Variants in TSPAN5 observed in about 807,000 individuals in gnomAD.
TSPAN5 encodes the protein tetraspanin 5, also known as tetraspanin-5.
Under a neutral mutation model 37.1 loss-of-function variants are expected in TSPAN5, and 10 were observed. That is an observed-to-expected ratio of 0.27 (90% CI 0.17 to 0.46). The LOEUF (loss-of-function observed/expected upper bound fraction) is 0.46. TSPAN5 is among the 20% of genes least tolerant of loss of function. TSPAN5 has a pLI of 1.00. For missense variants in TSPAN5, 195 were observed against 326.6 expected (o/e 0.60, Z 3.11); for synonymous variants, 110 against 118.9 (o/e 0.93, Z 0.48).
intron 1 of TSPAN5, among the ~76,000 whole-genome samples, chr4:98,513,786 T>C (rs1330480896): frequency 6.6e-6 from 1 of 152,154 alleles, no homozygotes; most frequent in Admixed American, 6.6e-5. Context: ...TCGGTTTGTA[T>C]ACTTTTAAAA....
chr4:98,546,817 A>G (rs1467375830), intron 1 of TSPAN5, among the ~76,000 whole-genome samples: 1 of 152,226 alleles, frequency 6.6e-6, no homozygotes, highest in Admixed American at 6.5e-5. Flanking sequence ...ATTCCCTAAG[A>G]GGGCTTTTTT....
intron 1 of TSPAN5, among the ~76,000 whole-genome samples, chr4:98,607,803 C>A (rs1006718435): frequency 6.6e-6 from 1 of 151,932 alleles, no homozygotes; most frequent in African/African-American, 2.4e-5. Context: ...CTCCGCCTCC[C>A]AGGTTCAAGC....
At chr4:98,518,831 C>T (rs758082691) in intron 1 of TSPAN5, among the ~76,000 whole-genome samples, 1 of 152,174 alleles carries the variant, frequency 6.6e-6, no homozygotes, top group Non-Finnish European at 1.5e-5. Flanking sequence ...ACAAGCCCTG[C>T]AGGTAATTGT....
At chr4:98,543,582 A>T (rs1578980664) in intron 1 of TSPAN5, among the ~76,000 whole-genome samples, 1 of 150,452 alleles carries the variant, frequency 6.6e-6, no homozygotes, top group East Asian at 2.0e-4. Context: ...CGCCAGGCTA[A>T]TTTTTTTTTG....
chr4:98,537,905 G>C (rs1261499654), intron 1 of TSPAN5, among the ~76,000 whole-genome samples: 7 of 152,248 alleles, frequency 4.6e-5, no homozygotes, highest in Non-Finnish European at 1.0e-4. Flanking sequence ...ATGGTAGGTG[G>C]TGGGGTTCAC....
At chr4:98,487,939 A>T (rs373418980) in intron 2 of TSPAN5, among the ~76,000 whole-genome samples, 1 of 152,270 alleles carries the variant, frequency 6.6e-6, no homozygotes, top group East Asian at 1.9e-4. Flanking sequence ...TGGGCCTTAA[A>T]CAGCCAATAT....
chr4:98,508,892 C>T (rs1278923476), intron 1 of TSPAN5, among the ~76,000 whole-genome samples: 2 of 152,152 alleles, frequency 1.3e-5, no homozygotes, highest in Non-Finnish European at 2.9e-5. Context: ...ATTTTCCCCA[C>T]ATTTGAACAC....
intron 1 of TSPAN5, among the ~76,000 whole-genome samples, chr4:98,524,557 C>T (rs1319191463): frequency 6.6e-6 from 1 of 152,100 alleles, no homozygotes; most frequent in Admixed American, 6.6e-5. Flanking sequence ...TTAAAACTGA[C>T]GTCCATGTGA....
At chr4:98,505,698 C>T (rs1753463206) in intron 2 of TSPAN5, among the ~76,000 whole-genome samples, 1 of 152,226 alleles carries the variant, frequency 6.6e-6, no homozygotes, top group South Asian at 2.1e-4. Context: ...GAGGCATGGA[C>T]TCTGCATCCC....
chr4:98,652,595 G>C (rs1252942629), intron 1 of TSPAN5, among the ~76,000 whole-genome samples: 1 of 152,142 alleles, frequency 6.6e-6, no homozygotes, highest in African/African-American at 2.4e-5. Flanking sequence ...TTACGGAAGA[G>C]ACTTAACACT....
intron 1 of TSPAN5, among the ~76,000 whole-genome samples, chr4:98,549,738 G>T (rs989800571): frequency 6.6e-6 from 1 of 151,860 alleles, no homozygotes; most frequent in Non-Finnish European, 1.5e-5. Flanking sequence ...GTTCTTTGGG[G>T]TTTTTTTCTT....
chr4:98,488,620 T>C (rs1217266527), intron 2 of TSPAN5, among the ~76,000 whole-genome samples: 2 of 152,204 alleles, frequency 1.3e-5, no homozygotes, highest in African/African-American at 2.4e-5. Flanking sequence ...GATCCAATTT[T>C]GTTTCTTGGG....
chr4:98,622,017 G>C (rs1275981767), intron 1 of TSPAN5, among the ~76,000 whole-genome samples: 20 of 152,020 alleles, frequency 1.3e-4, no homozygotes. Flanking sequence ...CATTCATCAG[G>C]GACAATTATC....
rs534118999 is a variant in TSPAN5 at position 98,509,636 on chromosome 4, C to A, written c.82-1908G>T. On this transcript the variant is annotated intron_variant, in intron 1 of 7. Coordinates refer to ENST00000305798, the MANE Select transcript of TSPAN5 (RefSeq NM_005723.4). ...CCTTGGAAAGTGTTCAGAAAGATTT[C>A]TCGTTTTACTATCCCAACTGAAAAA... Among the ~76,000 whole-genome samples, 8 of 152,264 alleles carry A rather than the reference C, an allele frequency of 5.3e-5. No homozygotes were observed. The South Asian group carries it at 1.7e-3, about 32-fold the overall frequency.
intron 1 of TSPAN5, among the ~76,000 whole-genome samples, chr4:98,643,708 T>C (rs1757004504): frequency 6.6e-6 from 1 of 152,104 alleles, no homozygotes; most frequent in Non-Finnish European, 1.5e-5. Context: ...TCTTGCAGGG[T>C]CAGGAAAAAA....
rs115003718 is a variant in TSPAN5, at chr4:98,496,068, A to C, written c.133-9184T>G. Among the ~76,000 whole-genome samples the C allele has an allele frequency of 3.7e-3, 561 of 152,274 alleles. 5 individuals are homozygous for C. The highest frequency in any genetic ancestry group is 0.013 in the African/African-American group (543 of 41,556). On this transcript the variant is annotated intron_variant, in intron 2 of 7. Coordinates refer to ENST00000305798, the MANE Select transcript of TSPAN5 (RefSeq NM_005723.4). Reference sequence around the variant, plus strand: ...ATCCTACTGACAACAGTTTTCCTAGAGTAAGAGATAGAGAAGGATTTCCCT... The same window carrying C: ...ATCCTACTGACAACAGTTTTCCTAGCGTAAGAGATAGAGAAGGATTTCCCT...
At chr4:98,642,343 A>G (rs534733783) in intron 1 of TSPAN5, among the ~76,000 whole-genome samples, 2 of 152,322 alleles carry the variant, frequency 1.3e-5, no homozygotes, top group East Asian at 3.9e-4. Flanking sequence ...AGCAATAATT[A>G]ATCATTTGTT....
intron 2 of TSPAN5, among the ~76,000 whole-genome samples, chr4:98,499,657 CTTTT>C (rs757802654): frequency 9.3e-6 from 1 of 108,082 alleles, no homozygotes; most frequent in Admixed American, 1.1e-4. Context: ...GTTTCCAGCT[CTTTT>C]TTTTTTTTTT....
chr4:98,484,739 A>C (rs372342301), intron 3 of TSPAN5: 1 of 366,000 alleles, frequency 2.7e-6, no homozygotes, highest in African/African-American at 2.1e-5. Flanking sequence ...AGCAAGGTGG[A>C]TCACTTGAGG....
Sources: allele counts gnomAD v4.1 joint callset (sites outside exome capture counted in the v4.1 genomes callset), GRCh38; gene constraint gnomAD v4.1.1; transcripts MANE v1.5; gene names NCBI Gene and HGNC (gene_info 2026-07-23, HGNC 2026-07-21).